Variants in RB1CC1 observed in about 807,000 individuals in gnomAD.
RB1CC1 encodes RB1-inducible coiled-coil protein 1.
RB1CC1 carries 46 observed loss-of-function variants against 177.5 expected under a neutral mutation model. That is an observed-to-expected ratio of 0.26 (90% confidence interval 0.20 to 0.33). RB1CC1 has a LOEUF of 0.33. RB1CC1 is among the 10% of genes least tolerant of loss of function. The pLI is 1.00. For synonymous variants in RB1CC1, 666 were observed against 613.6 expected, an observed-to-expected ratio of 1.09 and a Z score of -1.26; for missense variants, 1,703 against 1,816.3, an observed-to-expected ratio of 0.94 and a Z score of 1.13.
chr8:52,675,666 C>G (rs1303093355), intron 6 of RB1CC1, among the ~76,000 whole-genome samples: 1 of 144,052 alleles, frequency 6.9e-6, no homozygotes, highest in East Asian at 2.0e-4. Context: ...GTCAGGAGAT[C>G]GAGACCATCC....
chr8:52,676,440 T>C lies in RB1CC1; in HGVS notation c.501A>G (p.Leu167=), dbSNP rs756146120. 2.0e-5 allele frequency: 33 copies of C among 1,613,174 alleles called. No homozygotes were observed. Among genetic ancestry groups the C allele is most frequent in the Admixed American group, 3.3e-5 (2 of 59,886 alleles). ...LEDCSNSYQK[L]LFKFESIYSN... ...AATAAATACTTTCAAACTTGAAAAG[T>C]AGCTTTTGGTATGAATTTGAACAGT... is the stretch of plus-strand genomic sequence containing the variant. The change falls in exon 6 of 24, where the codon CTA becomes CTG. Residue 167 remains leucine (L), a synonymous_variant. Transcript: ENST00000025008.
chr8:52,709,708 G>A (rs1209470490), intron 1 of RB1CC1, among the ~76,000 whole-genome samples: 15 of 152,224 alleles, frequency 9.9e-5, no homozygotes, highest in Admixed American at 3.9e-4. Context: ...ATTGCCTGTC[G>A]CCTGCCTGGG....
At chr8:52,695,219 A>G (rs1855284030) in intron 1 of RB1CC1, among the ~76,000 whole-genome samples, 1 of 152,238 alleles carries the variant, frequency 6.6e-6, no homozygotes, top group African/African-American at 2.4e-5. Flanking sequence ...AAAGAAGTAA[A>G]AAGTACTTTA....
intron 1 of RB1CC1, among the ~76,000 whole-genome samples, chr8:52,694,773 T>C (rs1855223269): frequency 6.6e-6 from 1 of 152,168 alleles, no homozygotes; most frequent in African/African-American, 2.4e-5. Flanking sequence ...TTCCCAGTTT[T>C]CTTTCTAACA....
chr8:52,696,770 AG>A (rs1224625214), intron 1 of RB1CC1, among the ~76,000 whole-genome samples: 1 of 152,156 alleles, frequency 6.6e-6, no homozygotes, highest in Non-Finnish European at 1.5e-5. Context: ...TGGGAGGCCT[AG>A]GCAGGCTGAT....
chr8:52,664,967 T>G (rs1851942911), intron 8 of RB1CC1, among the ~76,000 whole-genome samples: 1 of 152,088 alleles, frequency 6.6e-6, no homozygotes, highest in African/African-American at 2.4e-5. Flanking sequence ...TTTAATATAC[T>G]GAGAGATTAA....
chr8:52,679,493 C>T (rs995943305), intron 5 of RB1CC1, among the ~76,000 whole-genome samples: 21 of 152,138 alleles, frequency 1.4e-4, no homozygotes, highest in African/African-American at 5.1e-4. Context: ...ATCAAGGACT[C>T]GAAAGACCCC....
chr8:52,687,609 AAG>A (rs1460002262), intron 1 of RB1CC1, among the ~76,000 whole-genome samples: 2 of 152,170 alleles, frequency 1.3e-5, no homozygotes, highest in Non-Finnish European at 2.9e-5. Flanking sequence ...TAAGGAATTG[AAG>A]ATGGCCAGCT....
chr8:52,637,106 C>A (rs184450848), intron 18 of RB1CC1, among the ~76,000 whole-genome samples: 142 of 152,250 alleles, frequency 9.3e-4, no homozygotes, highest in Non-Finnish European at 1.5e-3. Context: ...CCCTTTTCTG[C>A]AACATAACAC....
At chr8:52,648,969 A>G (rs1850311548) in intron 15 of RB1CC1, among the ~76,000 whole-genome samples, 1 of 152,242 alleles carries the variant, frequency 6.6e-6, no homozygotes, top group Non-Finnish European at 1.5e-5. Context: ...ATGGCTAACA[A>G]GTGACTAATG....
intron 19 of RB1CC1, among the ~76,000 whole-genome samples, chr8:52,635,228 A>C (rs1359594431): frequency 6.6e-6 from 1 of 152,190 alleles, no homozygotes; most frequent in Non-Finnish European, 1.5e-5. Context: ...ATATATAAAT[A>C]TGTAGTAAAA....
Position 52,668,099 on chromosome 8 carries a change from A to T in RB1CC1, c.1095T>A (p.Leu365=). ...GGTCCAGGGCGTAGAGCCGATCTTCAAGTCCTTTAATGGCTTTCATATTCT... is the reference window on the plus strand; with the variant it reads ...GGTCCAGGGCGTAGAGCCGATCTTCTAGTCCTTTAATGGCTTTCATATTCT... ...DNQNMKAIKG[L]EDRLYALDQM... The change falls in exon 8 of 24, where the codon CTT becomes CTA. Residue 365 remains leucine (L), a synonymous_variant. Transcript: ENST00000025008. The T allele has an allele frequency of 6.2e-7, 1 of 1,614,186 alleles. No individual in the cohort carries two copies. The highest frequency in any genetic ancestry group is 8.5e-7 in the Non-Finnish European group (1 of 1,180,016).
intron 8 of RB1CC1, 39 bp from the exon 9 acceptor site, chr8:52,661,758 T>G (rs759133434): frequency 1.2e-5 from 17 of 1,462,378 alleles, no homozygotes. Flanking sequence ...ATTAATTTTG[T>G]TTCATGAAAG....
rs1458184464 is a variant in RB1CC1, at chr8:52,714,125, C to T, written c.-217G>A. On this transcript the variant is annotated 5_prime_UTR_variant, in exon 1 of 24. Transcript: ENST00000025008. ...CGGCAGCAGCAGAGCCAGCGACCCC[C>T]GGCACCATCTTCCGCCGCCGCCTAG... The T allele has an allele frequency of 9.2e-6, 3 of 325,592 alleles. No homozygotes were observed. Among genetic ancestry groups the T allele is most frequent in the South Asian group, 4.2e-5 (2 of 47,264 alleles). The allele number at this position is 325,592 out of a possible 1,614,324, so 20.2% of individuals were successfully genotyped here.
intron 20 of RB1CC1, among the ~76,000 whole-genome samples, chr8:52,631,159 G>A (rs936977717): frequency 6.6e-6 from 1 of 152,096 alleles, no homozygotes; most frequent in Admixed American, 6.6e-5. Context: ...GGGAGAAGGG[G>A]ATGGGGTTGA....
At position 52,689,292 on chromosome 8, in the gene RB1CC1, G is replaced by A. The variant is rs781377136; in HGVS notation, c.-166-2325C>T. Among the ~76,000 whole-genome samples the A allele has an allele frequency of 1.3e-3, 197 of 152,120 alleles. 1 individual carries two copies. Among genetic ancestry groups the A allele is most frequent in the Non-Finnish European group, 2.3e-3 (154 of 68,004 alleles). On this transcript the variant is annotated intron_variant, in intron 1 of 23. Transcript: ENST00000025008. ...TTTGTCTTCCTCCTAAAAGACATACGAACATCAGCAAATTTGTCCTGTAAA... is the reference window on the plus strand; with the variant it reads ...TTTGTCTTCCTCCTAAAAGACATACAAACATCAGCAAATTTGTCCTGTAAA...
At chr8:52,646,331 A>G (rs1204853248) in intron 15 of RB1CC1, among the ~76,000 whole-genome samples, 1 of 152,100 alleles carries the variant, frequency 6.6e-6, no homozygotes, top group Admixed American at 6.5e-5. Flanking sequence ...AAAAAAAAAC[A>G]ACAGCCAAGC....
Position 52,700,454 on chromosome 8 carries a change from G to C in RB1CC1, c.-166-13487C>G, listed in dbSNP as rs560474895. 8.0e-4 allele frequency among the ~76,000 whole-genome samples: 122 copies of C among 152,206 alleles called. 1 individual carries two copies. Among genetic ancestry groups the C allele is most frequent in the African/African-American group, 2.8e-3 (116 of 41,526 alleles). On this transcript the variant is annotated intron_variant, in intron 1 of 23. Transcript: ENST00000025008. ...GGGCGCTGAGGCAGGAGGATGGCTT[G>C]AACCTGGGAGGTTGAGGCTGCAGCA...
In RB1CC1 at chr8:52,658,964, G is replaced by C. The variant is rs746206314; in HGVS notation, c.1702C>G (p.Arg568Gly). The C allele has an allele frequency of 1.9e-6, 3 of 1,545,664 alleles. No homozygotes were observed. Among genetic ancestry groups the C allele is most frequent in the Non-Finnish European group, 2.6e-6 (3 of 1,146,144 alleles). ...WPPSFCTQKPRKFDCELPDIS... is the reference protein window; with the variant it reads ...WPPSFCTQKPGKFDCELPDIS... ...TCTGGAAGTTCACAGTCAAACTTTC[G>C]AGGCTTTTGAGTCTGTACCAAAAAA... The change falls in exon 13 of 24, where the codon CGA (arginine) becomes GGA (glycine). Residue 568 changes from arginine to glycine, a missense_variant. Transcript: ENST00000025008.
Sources: gnomAD v4.1 joint callset for allele counts (sites outside exome capture counted in the v4.1 genomes callset) on GRCh38, gnomAD v4.1.1 for gene constraint, MANE v1.5 for transcripts, NCBI Gene and HGNC (gene_info 2026-07-23, HGNC 2026-07-21) for gene names.